TAFA1: variants seen among roughly 807,000 people sequenced by gnomAD.
The protein encoded by TAFA1 is chemokine-like protein TAFA-1.
A neutral mutation model predicts 18.5 loss-of-function variants in TAFA1; 4 were observed. The ratio of observed to expected loss-of-function variants is 0.22; its 90% CI spans 0.11 to 0.49. TAFA1 has a LOEUF of 0.49. Ranked by LOEUF, TAFA1 falls within the 20% of genes least tolerant of loss-of-function variation. The pLI is 0.98. For synonymous variants in TAFA1, 56 were observed against 55.2 expected, an observed-to-expected ratio of 1.01 and a Z score of -0.06; for missense variants, 147 against 169.0, an observed-to-expected ratio of 0.87 and a Z score of 0.72.
intron 2 of TAFA1, among the ~76,000 whole-genome samples, chr3:68,070,584 C>T (rs751930866): frequency 6.6e-6 from 1 of 152,236 alleles, no homozygotes; most frequent in Non-Finnish European, 1.5e-5. Context: ...CTGCAGCCAG[C>T]TTGAATTTCT....
At chr3:68,479,239 A>ATATAT (rs1282917420) in intron 3 of TAFA1, among the ~76,000 whole-genome samples, 20 of 122,990 alleles carry the variant, frequency 1.6e-4, no homozygotes, top group African/African-American at 7.5e-4. Flanking sequence ...CAAAAAAAAA[A>ATATAT]AAATATATAT....
At chr3:68,412,337 T>C (rs946023067) in intron 2 of TAFA1, among the ~76,000 whole-genome samples, 1 of 100,620 alleles carries the variant, frequency 9.9e-6, no homozygotes, top group African/African-American at 2.7e-5. Context: ...GGCAAGTTTC[T>C]TTTTTTTTTC....
intron 3 of TAFA1, among the ~76,000 whole-genome samples, chr3:68,445,528 GT>G (rs1477830734): frequency 6.6e-6 from 1 of 152,134 alleles, no homozygotes; most frequent in East Asian, 1.9e-4. Context: ...TACTGATGCA[GT>G]TGCAGACACT....
intron 2 of TAFA1, among the ~76,000 whole-genome samples, chr3:68,363,930 A>G (rs1575806607): frequency 6.6e-6 from 1 of 152,166 alleles, no homozygotes; most frequent in East Asian, 1.9e-4. Context: ...CAGGGGTCAC[A>G]TTGTCTCTGT....
At chr3:68,451,376 C>T (rs968155028) in intron 3 of TAFA1, among the ~76,000 whole-genome samples, 1 of 151,996 alleles carries the variant, frequency 6.6e-6, no homozygotes, top group Non-Finnish European at 1.5e-5. Flanking sequence ...AAGACTAGAG[C>T]ATATTAATAA....
intron 2 of TAFA1, among the ~76,000 whole-genome samples, chr3:68,354,724 G>A (rs752333562): frequency 6.6e-6 from 1 of 151,998 alleles, no homozygotes; most frequent in Non-Finnish European, 1.5e-5. Context: ...AAGAGATTTA[G>A]TCTCTGCTGA....
intron 3 of TAFA1, among the ~76,000 whole-genome samples, chr3:68,429,231 G>T (rs1404523110): frequency 6.6e-6 from 1 of 151,860 alleles, no homozygotes; most frequent in Non-Finnish European, 1.5e-5. Flanking sequence ...TCAACTAAAT[G>T]GAACACTACT....
intron 3 of TAFA1, among the ~76,000 whole-genome samples, chr3:68,497,984 C>T (rs549602402): frequency 5.9e-5 from 9 of 152,304 alleles, no homozygotes; most frequent in African/African-American, 2.2e-4. Flanking sequence ...CCACTTGGAT[C>T]TGATGCTACT....
chr3:68,030,461 G>A (rs560605677), intron 2 of TAFA1, among the ~76,000 whole-genome samples: 75 of 151,972 alleles, frequency 4.9e-4, no homozygotes, highest in African/African-American at 1.6e-3. Flanking sequence ...TCCCCTCCTC[G>A]TGTCCATGTA....
intron 2 of TAFA1, among the ~76,000 whole-genome samples, chr3:68,224,626 C>G (rs1284271971): frequency 6.6e-6 from 1 of 152,090 alleles, no homozygotes; most frequent in Non-Finnish European, 1.5e-5. Context: ...GACAGAGAGG[C>G]TAGTGATTAG....
chr3:68,455,983 G>A (rs1435505590), intron 3 of TAFA1, among the ~76,000 whole-genome samples: 1 of 152,076 alleles, frequency 6.6e-6, no homozygotes, highest in Non-Finnish European at 1.5e-5. Context: ...ATGGTGTTTG[G>A]GAGCAAGTAG....
At chr3:68,420,268 T>C (rs531752918) in intron 3 of TAFA1, among the ~76,000 whole-genome samples, 1 of 152,292 alleles carries the variant, frequency 6.6e-6, no homozygotes, top group East Asian at 1.9e-4. Flanking sequence ...CTATTTTATT[T>C]TTATTTTTTA....
chr3:68,387,657 G>A (rs922472014), intron 2 of TAFA1, among the ~76,000 whole-genome samples: 4 of 152,066 alleles, frequency 2.6e-5, no homozygotes, highest in African/African-American at 7.2e-5. Context: ...GTTTCCTTTA[G>A]TGAGTCGTTT....
chr3:68,370,454 ATG>A (rs1233179753), intron 2 of TAFA1, among the ~76,000 whole-genome samples: 684 of 39,516 alleles, frequency 0.017, 31 homozygotes, highest in South Asian at 0.041. Context: ...ATGTATATAT[ATG>A]TGTGTGTGTG....
At chr3:68,404,653 C>T (rs2070562956) in intron 2 of TAFA1, among the ~76,000 whole-genome samples, 1 of 152,036 alleles carries the variant, frequency 6.6e-6, no homozygotes, top group Admixed American at 6.6e-5. Flanking sequence ...AAAAATTAGC[C>T]AGGCGTGGTG....
chr3:68,295,893 A>G (rs557320166), intron 2 of TAFA1, among the ~76,000 whole-genome samples: 60 of 152,274 alleles, frequency 3.9e-4, no homozygotes, highest in African/African-American at 1.3e-3. Flanking sequence ...TATAAGCATG[A>G]GCCTTCTGAG....
chr3:68,510,911 T>G (rs2072836503), intron 3 of TAFA1, among the ~76,000 whole-genome samples: 1 of 152,182 alleles, frequency 6.6e-6, no homozygotes, highest in Non-Finnish European at 1.5e-5. Flanking sequence ...CAGGTAAATG[T>G]AAGTTAGAAA....
At chr3:68,275,747 G>A (rs997635723) in intron 2 of TAFA1, among the ~76,000 whole-genome samples, 11 of 151,972 alleles carry the variant, frequency 7.2e-5, no homozygotes, top group African/African-American at 2.4e-4. Flanking sequence ...GAGTAAATAG[G>A]GCAAAAATCA....
intron 2 of TAFA1, among the ~76,000 whole-genome samples, chr3:68,030,006 C>T (rs746477399): frequency 3.3e-5 from 5 of 152,114 alleles, no homozygotes; most frequent in Admixed American, 6.6e-5. Flanking sequence ...CTCAGTAGAA[C>T]CTGATGTTCA....
Sources: gnomAD v4.1 joint callset for allele counts (sites outside exome capture counted in the v4.1 genomes callset) on GRCh38, gnomAD v4.1.1 for gene constraint, MANE v1.5 for transcripts, NCBI Gene and HGNC (gene_info 2026-07-23, HGNC 2026-07-21) for gene names.